Variants in PLOD1 observed in about 807,000 individuals in gnomAD.
The protein encoded by PLOD1 is procollagen-lysine,2-oxoglutarate 5-dioxygenase 1.
In PLOD1, 70 loss-of-function variants were observed where a neutral mutation model predicts 94.7. The ratio of observed to expected loss-of-function variants is 0.74; its 90% CI spans 0.61 to 0.90. PLOD1 has a LOEUF of 0.90. Ranked by LOEUF, PLOD1 falls within the 40% of genes least tolerant of loss-of-function variation. PLOD1 has a pLI of 0.00. For synonymous variants in PLOD1, 417 were observed against 400.2 expected, an observed-to-expected ratio of 1.04 and a Z score of -0.50; for missense variants, 905 against 972.7, an observed-to-expected ratio of 0.93 and a Z score of 0.93.
intron 1 of PLOD1, among the ~76,000 whole-genome samples, chr1:11,938,420 G>T (rs1390075419): frequency 3.3e-5 from 5 of 152,152 alleles, no homozygotes; most frequent in African/African-American, 1.2e-4. Flanking sequence ...CGGGAAGGGG[G>T]TGCTGTTGCC....
chr1:11,941,467 G>GATTATTATTTATTATTATTATT (rs531153063), intron 1 of PLOD1, among the ~76,000 whole-genome samples: 2,147 of 141,884 alleles, frequency 0.015, 56 homozygotes, highest in African/African-American at 0.06. Context: ...AAGTAGCTGG[G>GATTATTATTTATTATTATTATT]ATTATTATTA....
In PLOD1 at chr1:11,970,792, G is replaced by C. The variant is rs201112464; in HGVS notation, c.1878G>C (p.Lys626Asn). 2 of 1,608,612 alleles carry C rather than the reference G, an allele frequency of 1.2e-6. No homozygotes were observed. Among genetic ancestry groups the C allele is most frequent in the Non-Finnish European group, 1.7e-6 (2 of 1,179,178 alleles). Reference protein sequence around the residue: ...LLEYIAPMTEKLYPGYYTRAQ... With the variant: ...LLEYIAPMTENLYPGYYTRAQ... ...AGTACATTGCGCCCATGACGGAGAA[G>C]CTCTACCCCGGCTACTACACCAGGG... The change falls in exon 17 of 19, where the codon AAG becomes AAC. Residue 626 changes from lysine to asparagine, a missense_variant. Lys to Asn is a moderately conservative substitution (Grantham distance 94, BLOSUM62 0). Transcript: ENST00000196061.
At position 11,972,424 on chromosome 1, in the gene PLOD1, T is replaced by C. The variant is rs980830913; in HGVS notation, c.1903-448T>C. 1.2e-5 allele frequency: 2 copies of C among 171,538 alleles called. No homozygotes were observed. The highest frequency in any genetic ancestry group is 4.7e-5 in the African/African-American group (2 of 42,122). 10.6% of individuals were successfully genotyped at this position (171,538 alleles called of 1,614,324 possible). On this transcript the variant is annotated intron_variant, in intron 17 of 18. Transcript: ENST00000196061. This position sits in a 1 kb window ranked among gnomAD's most constrained non-coding sequence, Gnocchi z 4.6. The stretch of plus-strand genomic sequence containing the variant: ...CCACCACCATGTCTGGCTAATTTTT[T>C]GTAATTTCAGTAGAGATGGGGTTTC...
rs538697002 is a variant in PLOD1 at position 11,973,422 on chromosome 1, C to T, written c.2028+425C>T. ...GGCTGAGGCATGAGAATCTCTTGAA[C>T]CCAAGAGGTGGAGGTTGCAGTGAGC... On this transcript the variant is annotated intron_variant, in intron 18 of 18. Coordinates refer to ENST00000196061, the MANE Select transcript of PLOD1 (RefSeq NM_000302.4). Among the ~76,000 whole-genome samples, 13 of 152,116 alleles carry T rather than the reference C, an allele frequency of 8.5e-5. No homozygotes were observed. In the South Asian group the frequency reaches 2.7e-3, roughly 32 times the overall value.
intron 10 of PLOD1, among the ~76,000 whole-genome samples, chr1:11,961,006 CAG>C (rs1435723337): frequency 2.6e-5 from 4 of 151,874 alleles, no homozygotes; most frequent in Admixed American, 6.6e-5. Flanking sequence ...GGAAGCAAAT[CAG>C]AGAAAGAGGA....
At chr1:11,969,013 A>G (rs1265078007) in intron 16 of PLOD1, among the ~76,000 whole-genome samples, 5 of 144,334 alleles carry the variant, frequency 3.5e-5, no homozygotes, top group African/African-American at 1.3e-4. Flanking sequence ...GCTGGCCACC[A>G]TGCCTAATTT....
Position 11,974,997 on chromosome 1 carries a change from G to A in PLOD1, c.*189G>A. ...GGCCAGAGGCGGAACACACCTTTAT[G>A]GCTGGGGCTCTCCGTGGTGTTCTGG... is the stretch of plus-strand genomic sequence containing the variant. On this transcript the variant is annotated 3_prime_UTR_variant, in exon 19 of 19. Coordinates refer to ENST00000196061, the MANE Select transcript of PLOD1 (RefSeq NM_000302.4). The A allele has an allele frequency of 1.5e-6, 1 of 679,264 alleles. No homozygotes were observed. The highest frequency in any genetic ancestry group is 1.6e-5 in the South Asian group (1 of 62,404). The allele number at this position is 679,264 out of a possible 1,614,324, so 42.1% of individuals were successfully genotyped here.
At chr1:11,964,861 C>T in intron 13 of PLOD1, 76 bp downstream of exon 13, 2 of 1,491,270 alleles carry the variant, frequency 1.3e-6, no homozygotes, top group East Asian at 2.3e-5. Flanking sequence ...CTCTGACCCT[C>T]ATGGTGGGCC....
chr1:11,966,311 G>A lies in PLOD1; in HGVS notation c.1645G>A (p.Glu549Lys). Reference protein sequence around the residue: ...YTKALAGKLVETPCPDVYWFP... With the variant: ...YTKALAGKLVKTPCPDVYWFP... ...CAAAGCCCTGGCAGGGAAGCTGGTG[G>A]AGACGGTAAGGGCCATGGACACCCT... is the stretch of plus-strand genomic sequence containing the variant. The change falls in exon 15 of 19, where the codon GAG becomes AAG. Residue 549 changes from glutamate to lysine, a missense_variant. Physicochemically the swap from Glu to Lys is moderately conservative, Grantham distance 56. Transcript: ENST00000196061. 1 of 1,604,598 alleles carries A rather than the reference G, an allele frequency of 6.2e-7. No individual in the cohort carries two copies. Among genetic ancestry groups the A allele is most frequent in the African/African-American group, 1.3e-5 (1 of 74,660 alleles).
chr1:11,958,496 T>TGCC lies in PLOD1; in HGVS notation c.844-16_844-14dup. ...GTGACTGGACACTGCTGGACTCTTG[T>TGCC]GCCGCCCTCCCTGGTGCAGGATGAA... On this transcript the variant is annotated intron_variant, in intron 8 of 18. Coordinates refer to ENST00000196061, the MANE Select transcript of PLOD1 (RefSeq NM_000302.4). This position sits in a 1 kb window ranked among gnomAD's most constrained non-coding sequence, Gnocchi z 4.3. The TGCC allele has an allele frequency of 6.2e-7, 1 of 1,612,956 alleles. No individual in the cohort carries two copies. The highest frequency in any genetic ancestry group is 8.5e-7 in the Non-Finnish European group (1 of 1,179,672).
chr1:11,960,693 C>T lies in PLOD1; in HGVS notation c.1023C>T (p.Gly341=), dbSNP rs755056846. The T allele has an allele frequency of 5.0e-6, 8 of 1,613,428 alleles. No homozygotes were observed. In the Admixed American group the frequency reaches 1.2e-4, roughly 24 times the overall value. The change falls in exon 10 of 19, where the codon GGC becomes GGT. Residue 341 remains glycine, a synonymous_variant. Coordinates refer to ENST00000196061, the MANE Select transcript of PLOD1 (RefSeq NM_000302.4). ...TGGAAGAGTTCCTGGCACAGCATGG[C>T]AGCGAGTACCAGTCTGTGAAGCTGG... ...AQVEEFLAQH[G]SEYQSVKLVG... is the part of the protein sequence containing the mutation.
Position 11,934,940 on chromosome 1 carries a change from G to T in PLOD1, c.76+85G>T, listed in dbSNP as rs983659765. The T allele has an allele frequency of 6.8e-6, 10 of 1,466,422 alleles. No individual in the cohort carries two copies. The African/African-American group carries it at 1.4e-4, about 21-fold the overall frequency. 90.8% of individuals were successfully genotyped at this position (1,466,422 alleles called of 1,614,324 possible). A position where few individuals can be genotyped will look rare whatever the true frequency, so the allele number is the denominator to read the frequency against. ...CTGCCTCCCTGGGAACGACCTGAATGGGAGGCCTGGGCTGGAGAGGGAGTC... is the reference window on the plus strand; with the variant it reads ...CTGCCTCCCTGGGAACGACCTGAATTGGAGGCCTGGGCTGGAGAGGGAGTC... On this transcript the variant is annotated intron_variant, in intron 1 of 18. Coordinates refer to ENST00000196061, the MANE Select transcript of PLOD1 (RefSeq NM_000302.4).
In PLOD1 at chr1:11,967,049, G is replaced by C. The variant is rs1402924769; in HGVS notation, c.1713G>C (p.Glu571Asp). ...FTEVACDELV[E>D]EMEHFGQWSL... ...AGGTGGCCTGTGATGAGCTGGTGGA[G>C]GAGATGGAGCACTTTGGCCAGTGGT... Residue 571 changes from glutamate (E) to aspartate (D), a missense_variant, in exon 16 of 19, where the codon GAG becomes GAC. Transcript: ENST00000196061. The C allele has an allele frequency of 6.2e-7, 1 of 1,613,998 alleles. No individual in the cohort carries two copies. The highest frequency in any genetic ancestry group is 8.5e-7 in the Non-Finnish European group (1 of 1,179,840).
intron 12 of PLOD1, 104 bp from the exon 13 acceptor site, chr1:11,964,540 A>G (rs1404946809): frequency 8.4e-7 from 1 of 1,195,136 alleles, no homozygotes; most frequent in Non-Finnish European, 1.2e-6. Flanking sequence ...TTCCCTTCTC[A>G]CACCCAGACT....
In PLOD1 at chr1:11,949,817, G is replaced by A. The variant is rs769238622; in HGVS notation, c.213G>A (p.Ser71=). The A allele has an allele frequency of 2.5e-6, 4 of 1,613,962 alleles. No homozygotes were observed. The highest frequency in any genetic ancestry group is 3.4e-6 in the Non-Finnish European group (4 of 1,179,866). Residue 71 remains serine, a synonymous_variant, in exon 3 of 19, where the codon TCG becomes TCA. Transcript: ENST00000196061. ...GEDWNVEKGT[S]AGGGQKVRLL... is the part of the protein sequence containing the mutation. ...ACTGGAATGTGGAGAAGGGGACGTC[G>A]GCAGGTGGAGGGCAGAAGGTCCGGC...
chr1:11,971,706 C>T (rs931892655), intron 17 of PLOD1: 5 of 152,342 alleles, frequency 3.3e-5, no homozygotes, highest in East Asian at 1.9e-4. Flanking sequence ...TTGTCATTAA[C>T]CCTGCCTCAG....
At chr1:11,938,284 C>A (rs1645593539) in intron 1 of PLOD1, among the ~76,000 whole-genome samples, 1 of 152,162 alleles carries the variant, frequency 6.6e-6, no homozygotes. Flanking sequence ...ATCATCAACT[C>A]CATTTTGGAG....
At position 11,973,014 on chromosome 1, in the gene PLOD1, C is replaced by T. The variant is rs373318413; in HGVS notation, c.2028+17C>T. On this transcript the variant is annotated intron_variant, in intron 18 of 18. Transcript: ENST00000196061. ...GATTACGAGGTGAGCAGGAGCCAGC[C>T]GGGGTCAAGGGGCCGGCAATGGGGA... 58 of 1,613,402 alleles carry T rather than the reference C, an allele frequency of 3.6e-5. No individual in the cohort carries two copies. In the African/African-American group the frequency reaches 4.1e-4, roughly 12 times the overall value.
rs748925361 is a variant in PLOD1 at position 11,947,959 on chromosome 1, C to A, written c.77-17C>A. The A allele has an allele frequency of 1.0e-5, 16 of 1,549,874 alleles. 2 individuals carry two copies. In the South Asian group the frequency reaches 1.7e-4, roughly 16 times the overall value. On this transcript the variant is annotated splice_polypyrimidine_tract_variant and intron_variant, in intron 1 of 18. Transcript: ENST00000196061. ...TCATCCTCCATTCCCATTCACCATACCCTCCTCTGTCTGCAGACAACCTTT... is the reference window on the plus strand; with the variant it reads ...TCATCCTCCATTCCCATTCACCATAACCTCCTCTGTCTGCAGACAACCTTT...
Sources: allele counts gnomAD v4.1 joint callset (sites outside exome capture counted in the v4.1 genomes callset), GRCh38; gene constraint gnomAD v4.1.1; non-coding constraint Gnocchi (gnomAD v3.1); transcripts MANE v1.5; gene names NCBI Gene and HGNC (gene_info 2026-07-23, HGNC 2026-07-21).